The following SLC19A3 variants were observed in gnomAD, a reference collection of about 807,000 sequenced individuals.
The protein encoded by SLC19A3 is thiamine transporter 2.
Under a neutral mutation model 40.2 loss-of-function variants are expected in SLC19A3, and 31 were observed. That is an observed-to-expected ratio of 0.77 (90% CI 0.58 to 1.04). SLC19A3 has a LOEUF of 1.04. SLC19A3 is among the 50% of genes least tolerant of loss of function. SLC19A3 has a pLI of 0.00. For synonymous variants in SLC19A3, 212 were observed against 227.5 expected (o/e 0.93, Z 0.61); for missense variants, 592 against 596.7 (o/e 0.99, Z 0.08).
intron 5 of SLC19A3, 149 bp downstream of exon 5, chr2:227,688,017 C>A: frequency 1.1e-6 from 1 of 882,304 alleles, no homozygotes; most frequent in Non-Finnish European, 1.8e-6. Context: ...TTGCTCAAAA[C>A]CTACTTGGTG....
At chr2:227,700,833 T>C (rs2106330916) in intron 2 of SLC19A3, 1 of 911,562 alleles carries the variant, frequency 1.1e-6, no homozygotes, top group South Asian at 1.5e-5. Context: ...ATCTCAATTT[T>C]CACAGTTGGA....
intron 1 of SLC19A3, among the ~76,000 whole-genome samples, chr2:227,706,961 G>T (rs1695968562): frequency 6.6e-6 from 1 of 152,188 alleles, no homozygotes; most frequent in Non-Finnish European, 1.5e-5. Context: ...ACAGGAGAGA[G>T]TTTACAGTGG....
At chr2:227,689,483 T>G (rs769113668) in intron 4 of SLC19A3, among the ~76,000 whole-genome samples, 11 of 152,070 alleles carry the variant, frequency 7.2e-5, no homozygotes, top group Non-Finnish European at 1.6e-4. Flanking sequence ...GGAGAAAAAC[T>G]TTTACCCTAG....
At chr2:227,708,189 TC>T (rs1196470456) in intron 1 of SLC19A3, among the ~76,000 whole-genome samples, 2 of 152,200 alleles carry the variant, frequency 1.3e-5, no homozygotes, top group Non-Finnish European at 2.9e-5. Context: ...CTCTTAGTTT[TC>T]TTTTTTTTAA....
In SLC19A3 at chr2:227,685,330, A is replaced by G. The variant is rs1225231320; in HGVS notation, c.*2067T>C. The G allele has an allele frequency of 2.6e-5, 4 of 152,358 alleles. No individual in the cohort carries two copies. The highest frequency in any genetic ancestry group is 9.7e-5 in the African/African-American group (4 of 41,442). The allele number at this position is 152,358 out of a possible 1,614,324, so 9.4% of individuals were successfully genotyped here. ...GGCAGAAGGCAAAGTGGGAGCAGGC[A>G]TCTTCACGTGGCCAAAGCAGGAGAA... On this transcript the variant is annotated 3_prime_UTR_variant, in exon 6 of 6. Coordinates refer to ENST00000644224, the MANE Select transcript of SLC19A3 (RefSeq NM_025243.4).
intron 1 of SLC19A3, 49 bp downstream of exon 1, chr2:227,717,894 A>C (rs1419403871): frequency 2.0e-6 from 2 of 984,532 alleles, no homozygotes; most frequent in Non-Finnish European, 1.2e-6. Context: ...GCTAAGACCG[A>C]GGGATGACGG....
intron 1 of SLC19A3, 120 bp from the exon 2 acceptor site, chr2:227,702,440 C>T: frequency 9.9e-7 from 1 of 1,009,820 alleles, no homozygotes; most frequent in Non-Finnish European, 1.5e-6. Flanking sequence ...GTTGTCCAGG[C>T]TGAAGTGCAG....
chr2:227,711,390 G>C (rs1696130289), intron 1 of SLC19A3, among the ~76,000 whole-genome samples: 2 of 150,710 alleles, frequency 1.3e-5, no homozygotes, highest in Non-Finnish European at 1.5e-5. Context: ...ACTGCATTGT[G>C]GCCTGGGTGA....
At chr2:227,704,004 T>C (rs1297520486) in intron 1 of SLC19A3, among the ~76,000 whole-genome samples, 3 of 152,174 alleles carry the variant, frequency 2.0e-5, no homozygotes, top group Non-Finnish European at 4.4e-5. Flanking sequence ...TAATAAGACA[T>C]GCCCTACTAA....
chr2:227,684,046 A>G lies in SLC19A3; in HGVS notation c.*3351T>C, dbSNP rs113664962. 0.074 allele frequency: 11,231 copies of G among 152,056 alleles called. 1,167 individuals are homozygous for G. Among genetic ancestry groups the G allele is most frequent in the African/African-American group, 0.24 (9,824 of 41,420 alleles). The allele number at this position is 152,056 out of a possible 1,614,324, so 9.4% of individuals were successfully genotyped here. On this transcript the variant is annotated 3_prime_UTR_variant, in exon 6 of 6. Coordinates refer to ENST00000644224, the MANE Select transcript of SLC19A3 (RefSeq NM_025243.4). ...ACTCCTGAACTCAAGCAATCCACCT[A>G]CCTCAGCCTCCCAAAGTGCCAGGAT...
chr2:227,699,098 T>C lies in SLC19A3; in HGVS notation c.617A>G (p.Glu206Gly), dbSNP rs1474936760. 1 of 1,614,066 alleles carries C rather than the reference T, an allele frequency of 6.2e-7. No individual in the cohort carries two copies. The highest frequency in any genetic ancestry group is 1.3e-5 in the African/African-American group (1 of 74,912). ...ATTCACGCTTGATGACTTCTTTATT[T>C]CTCTGCTGGGTTTTGCATGAAAAAA... Reference protein sequence around the residue: ...SMFFHAKPSREIKKSSSVNPV... With the variant: ...SMFFHAKPSRGIKKSSSVNPV... Residue 206 changes from glutamate (E) to glycine (G), a missense_variant, in exon 3 of 6, where the codon GAA (glutamate) becomes GGA (glycine). Coordinates refer to ENST00000644224, the MANE Select transcript of SLC19A3 (RefSeq NM_025243.4).
intron 3 of SLC19A3, among the ~76,000 whole-genome samples, chr2:227,696,951 G>A (rs1325101358): frequency 1.3e-5 from 2 of 152,144 alleles, no homozygotes; most frequent in Non-Finnish European, 2.9e-5. Context: ...TGCAATCCCA[G>A]CTACTCAGGA....
intron 3 of SLC19A3, among the ~76,000 whole-genome samples, chr2:227,697,703 C>A (rs1277137594): frequency 2.0e-5 from 3 of 152,012 alleles, no homozygotes; most frequent in Non-Finnish European, 4.4e-5. Flanking sequence ...ATGTTATTAA[C>A]CTTTGTGCTA....
intron 1 of SLC19A3, among the ~76,000 whole-genome samples, chr2:227,708,835 G>T (rs1361761796): frequency 6.6e-6 from 1 of 152,074 alleles, no homozygotes; most frequent in Non-Finnish European, 1.5e-5. Context: ...TCATTGCTAG[G>T]ATCTCATTTG....
At chr2:227,699,772 C>T (rs150694409) in intron 2 of SLC19A3, among the ~76,000 whole-genome samples, 1 of 152,244 alleles carries the variant, frequency 6.6e-6, no homozygotes, top group African/African-American at 2.4e-5. Flanking sequence ...TAAACCCCGG[C>T]AGAAAAATAT....
Position 227,699,500 on chromosome 2 carries a change from A to G in SLC19A3, c.215T>C (p.Val72Ala), listed in dbSNP as rs748889067. ...CTTGTAGCGGACATAATCGGTGAGGACAAACACAGGCAGCAGCAGCACCAG... is the reference window on the plus strand; with the variant it reads ...CTTGTAGCGGACATAATCGGTGAGGGCAAACACAGGCAGCAGCAGCACCAG... ...SYLVLLLPVF[V>A]LTDYVRYKPV... Residue 72 changes from valine (V) to alanine (A), a missense_variant, in exon 3 of 6, where the codon GTC becomes GCC. By Grantham distance (64) the Val-to-Ala change is moderately conservative. Coordinates refer to ENST00000644224, the MANE Select transcript of SLC19A3 (RefSeq NM_025243.4). 1.2e-6 allele frequency: 2 copies of G among 1,614,182 alleles called. No individual in the cohort carries two copies. The highest frequency in any genetic ancestry group is 1.1e-5 in the South Asian group (1 of 91,084).
intron 1 of SLC19A3, among the ~76,000 whole-genome samples, chr2:227,712,459 T>C (rs116013505): frequency 0.014 from 2,195 of 152,290 alleles, 58 homozygotes; most frequent in African/African-American, 0.05. Context: ...TCAACATAAG[T>C]AATCAGAAAT....
intron 1 of SLC19A3, among the ~76,000 whole-genome samples, chr2:227,704,630 G>A (rs1695858329): frequency 6.6e-6 from 1 of 151,878 alleles, no homozygotes; most frequent in African/African-American, 2.4e-5. Context: ...AGACAGCCTG[G>A]CTATATCCTC....
At chr2:227,691,830 T>C (rs1448026447) in intron 4 of SLC19A3, among the ~76,000 whole-genome samples, 2 of 152,122 alleles carry the variant, frequency 1.3e-5, no homozygotes, top group East Asian at 1.9e-4. Context: ...GACAAACCTT[T>C]AGCCAGACTA....
Sources: gnomAD v4.1 joint callset for allele counts (sites outside exome capture counted in the v4.1 genomes callset) on GRCh38, gnomAD v4.1.1 for gene constraint, MANE v1.5 for transcripts, NCBI Gene and HGNC (gene_info 2026-07-23, HGNC 2026-07-21) for gene names.